The following PHF21B variants were observed in gnomAD, a reference collection of about 807,000 sequenced individuals.
PHF21B encodes the protein PHD finger protein 4.
In PHF21B, 22 loss-of-function variants were observed where a neutral mutation model predicts 62.2. The observed-to-expected ratio is 0.35, with a 90% CI of 0.25 to 0.51. The LOEUF is 0.51. Ranked by LOEUF, PHF21B falls within the 20% of genes least tolerant of loss-of-function variation. The pLI, the probability that PHF21B is intolerant of heterozygous loss-of-function variation, is 0.97. For missense variants in PHF21B, 701 were observed against 707.9 expected (o/e 0.99, Z 0.11); for synonymous variants, 341 against 314.7 (o/e 1.08, Z -0.88).
rs2070958651 is a variant in PHF21B, at chr22:44,891,253, G to A, written c.1015+53C>T. On this transcript the variant is annotated intron_variant, in intron 8 of 12. Transcript: ENST00000313237. The stretch of plus-strand genomic sequence containing the variant: ...CAGGCGTGGAGGACCACCCAGGGAT[G>A]ACTCCCCGCGGCCCTGAGCAGCTCT... The A allele has an allele frequency of 4.4e-5, 71 of 1,595,912 alleles. No individual in the cohort carries two copies. In the South Asian group the frequency reaches 8.0e-4, roughly 18 times the overall value.
At chr22:44,990,245 G>A (rs1027562914) in intron 2 of PHF21B, among the ~76,000 whole-genome samples, 8 of 152,200 alleles carry the variant, frequency 5.3e-5, no homozygotes, top group African/African-American at 1.9e-4. Context: ...AACCCTTCAG[G>A]CTTCTCTCCA....
chr22:44,999,976 T>C lies in PHF21B; in HGVS notation c.120+8569A>G, dbSNP rs571768389. On this transcript the variant is annotated intron_variant, in intron 2 of 12. Transcript: ENST00000313237. The stretch of plus-strand genomic sequence containing the variant: ...ATCCTGCGGCCTCTCGAAGATTGTT[T>C]CTTGAGTGCTCACCGAGCACCAGGC... Among the ~76,000 whole-genome samples the C allele has an allele frequency of 2.4e-3, 359 of 152,244 alleles. 2 individuals carry two copies. Among genetic ancestry groups the C allele is most frequent in the Non-Finnish European group, 3.7e-3 (254 of 68,014 alleles).
chr22:44,918,929 TC>T (rs1457358625), intron 3 of PHF21B, among the ~76,000 whole-genome samples: 1 of 152,046 alleles, frequency 6.6e-6, no homozygotes, highest in Non-Finnish European at 1.5e-5. Flanking sequence ...AACTCTAAGG[TC>T]CCCATGGGCC....
chr22:44,963,696 C>G (rs1327781002), intron 2 of PHF21B, among the ~76,000 whole-genome samples: 1 of 152,222 alleles, frequency 6.6e-6, no homozygotes, highest in African/African-American at 2.4e-5. Context: ...CCATGTGGGG[C>G]TGAGTCCCAT....
At position 44,990,597 on chromosome 22, in the gene PHF21B, G is replaced by A. The variant is rs938561662; in HGVS notation, c.120+17948C>T. ...AAAAGATAAATTCAGTATATTGCGCGAAGTGAAAAAAGCCAGTTGCACAAA... is the reference window on the plus strand; with the variant it reads ...AAAAGATAAATTCAGTATATTGCGCAAAGTGAAAAAAGCCAGTTGCACAAA... On this transcript the variant is annotated intron_variant, in intron 2 of 12. Transcript: ENST00000313237. Among the ~76,000 whole-genome samples, 20 of 152,278 alleles carry A rather than the reference G, an allele frequency of 1.3e-4. No homozygotes were observed. The East Asian group carries it at 2.1e-3, about 16-fold the overall frequency.
At chr22:44,946,213 G>GT (rs2072066909) in intron 2 of PHF21B, among the ~76,000 whole-genome samples, 1 of 152,002 alleles carries the variant, frequency 6.6e-6, no homozygotes, top group Non-Finnish European at 1.5e-5. Flanking sequence ...GGGGCACCAC[G>GT]TACTTCTGGG....
chr22:44,885,438 C>T lies in PHF21B; in HGVS notation c.1365G>A (p.Ala455=), dbSNP rs369597272. 34 of 1,578,326 alleles carry T rather than the reference C, an allele frequency of 2.2e-5. No homozygotes were observed. Among genetic ancestry groups the T allele is most frequent in the Admixed American group, 1.1e-4 (6 of 54,996 alleles). Residue 455 remains alanine (A), a synonymous_variant, in exon 12 of 13, where the codon GCG becomes GCA. Transcript: ENST00000313237. ...CCCCGGGGCACACCTGCACTGCTGACGCCAGCCGCCGGTCCCGCTCCTCCA... is the reference window on the plus strand; with the variant it reads ...CCCCGGGGCACACCTGCACTGCTGATGCCAGCCGCCGGTCCCGCTCCTCCA... ...QQLEERDRRL[A]SAVQKCLELK...
At chr22:44,994,563 C>T (rs1254418612) in intron 2 of PHF21B, among the ~76,000 whole-genome samples, 1 of 152,228 alleles carries the variant, frequency 6.6e-6, no homozygotes, top group African/African-American at 2.4e-5. Context: ...TTTTACGCTG[C>T]CCAGCTCGTG....
At chr22:44,925,937 G>A (rs1601605792) in intron 2 of PHF21B, among the ~76,000 whole-genome samples, 1 of 116,234 alleles carries the variant, frequency 8.6e-6, no homozygotes, top group East Asian at 2.4e-4. Flanking sequence ...CAGACTGTGG[G>A]GGCGGGAGGC....
In PHF21B at chr22:44,968,954, C is replaced by A. The variant is rs996551501; in HGVS notation, c.120+39591G>T. ...GGCTCTCTGACTTGGCTCTGTGTCG[C>A]TTTGACATAAGAGTCCCATTATTCT... On this transcript the variant is annotated intron_variant, in intron 2 of 12. Coordinates refer to ENST00000313237, the MANE Select transcript of PHF21B (RefSeq NM_138415.5). 6.1e-4 allele frequency: 93 copies of A among 152,314 alleles called. 1 individual carries two copies. The highest frequency in any genetic ancestry group is 2.2e-3 in the African/African-American group (93 of 41,570). The allele number at this position is 152,314 out of a possible 1,614,324, so 9.4% of individuals were successfully genotyped here. A position where few individuals can be genotyped will look rare whatever the true frequency, so the allele number is the denominator to read the frequency against.
At chr22:44,933,390 C>T (rs1327418788) in intron 2 of PHF21B, 11 of 905,828 alleles carry the variant, frequency 1.2e-5, no homozygotes, top group Middle Eastern at 5.6e-4. Context: ...GGATTACAGG[C>T]GTGAGCCACT....
intron 2 of PHF21B, chr22:44,988,992 T>C (rs1030532760): frequency 6.6e-6 from 1 of 152,130 alleles, no homozygotes; most frequent in African/African-American, 2.4e-5. Context: ...ACTAATCTTA[T>C]TTATGAGGGT....
chr22:44,956,159 G>A (rs1477955020), intron 2 of PHF21B, among the ~76,000 whole-genome samples: 2 of 152,192 alleles, frequency 1.3e-5, no homozygotes, highest in African/African-American at 4.8e-5. Context: ...CACAAGCAAC[G>A]TCCCACCAGG....
At chr22:44,959,660 G>C (rs1237121421) in intron 2 of PHF21B, among the ~76,000 whole-genome samples, 1 of 152,210 alleles carries the variant, frequency 6.6e-6, no homozygotes, top group African/African-American at 2.4e-5. Flanking sequence ...GGATGTCTGA[G>C]CTGGGCACAG....
At chr22:44,992,837 C>A (rs1438056874) in intron 2 of PHF21B, among the ~76,000 whole-genome samples, 1 of 152,212 alleles carries the variant, frequency 6.6e-6, no homozygotes, top group African/African-American at 2.4e-5. Flanking sequence ...CCTGCTCACA[C>A]GATCCTGTCG....
chr22:44,893,673 GC>G, intron 6 of PHF21B, 140 bp from the exon 7 acceptor site: 1 of 819,526 alleles, frequency 1.2e-6, no homozygotes, highest in East Asian at 2.7e-5. Flanking sequence ...CCACAGAATG[GC>G]CCAGGGTGGG....
At chr22:44,888,771 C>T (rs2070906656) in intron 9 of PHF21B, among the ~76,000 whole-genome samples, 1 of 152,202 alleles carries the variant, frequency 6.6e-6, no homozygotes, top group Admixed American at 6.5e-5. Flanking sequence ...CTCAGAGGTC[C>T]CTGTCTCCAC....
chr22:45,007,118 A>C (rs1438734087), intron 2 of PHF21B, among the ~76,000 whole-genome samples: 2 of 146,342 alleles, frequency 1.4e-5, no homozygotes, highest in Non-Finnish European at 3.0e-5. Context: ...GGGCCGCGGC[A>C]CCAACTGAAA....
chr22:44,945,443 G>C (rs913941197), intron 2 of PHF21B, among the ~76,000 whole-genome samples: 2 of 152,200 alleles, frequency 1.3e-5, no homozygotes, highest in Non-Finnish European at 2.9e-5. Flanking sequence ...TGGGAATTGA[G>C]AGTACATGGG....
Sources: gnomAD v4.1 joint callset for allele counts (sites outside exome capture counted in the v4.1 genomes callset) on GRCh38, gnomAD v4.1.1 for gene constraint, MANE v1.5 for transcripts, NCBI Gene and HGNC (gene_info 2026-07-23, HGNC 2026-07-21) for gene names.